RUSC1: variants seen among roughly 807,000 people sequenced by gnomAD.
The protein encoded by RUSC1 is RUN and SH3 domain containing 1, also known as AP-4 complex accessory subunit RUSC1.
RUSC1 carries 40 observed loss-of-function variants against 72.1 expected under a neutral mutation model. The observed-to-expected ratio is 0.55, with a 90% confidence interval of 0.43 to 0.72. The LOEUF (loss-of-function observed/expected upper bound fraction) is 0.72. Ranked by LOEUF, RUSC1 falls within the 30% of genes least tolerant of loss-of-function variation. The pLI is 0.00. For missense variants in RUSC1, 1,092 were observed against 1,172.3 expected (o/e 0.93, Z 1.00); for synonymous variants, 512 against 494.2 (o/e 1.04, Z -0.48).
Position 155,322,403 on chromosome 1 carries a change from T to C in RUSC1, c.630T>C (p.Ser210=), listed in dbSNP as rs1349398368. 6.2e-7 allele frequency: 1 copy of C among 1,614,104 alleles called. No individual in the cohort carries two copies. Among genetic ancestry groups the C allele is most frequent in the Non-Finnish European group, 8.5e-7 (1 of 1,179,982 alleles). The change falls in exon 2 of 10, where the codon TCT becomes TCC. Residue 210 remains serine (S), a synonymous_variant. Transcript: ENST00000368352. ...DERAEQDLPT[S]ELLEADDGKI... ...GGGCGGAGCAGGATCTCCCTACCTC[T>C]GAGCTCTTAGAGGCGGATGATGGGA... is the stretch of plus-strand genomic sequence containing the variant.
Position 155,322,399 on chromosome 1 carries a change from C to A in RUSC1, c.626C>A (p.Thr209Asn), listed in dbSNP as rs780415298. The A allele has an allele frequency of 8.1e-6, 13 of 1,614,064 alleles. No individual in the cohort carries two copies. The highest frequency in any genetic ancestry group is 6.6e-5 in the South Asian group (6 of 91,096). Residue 209 changes from threonine (T) to asparagine (N), a missense_variant, in exon 2 of 10, where the codon ACC becomes AAC. Thr to Asn is a moderately conservative substitution (Grantham distance 65). Transcript: ENST00000368352. Reference sequence around the variant, plus strand: ...GAGAGGGCGGAGCAGGATCTCCCTACCTCTGAGCTCTTAGAGGCGGATGAT... The same window carrying A: ...GAGAGGGCGGAGCAGGATCTCCCTAACTCTGAGCTCTTAGAGGCGGATGAT... ...EDERAEQDLP[T>N]SELLEADDGK...
chr1:155,326,266 C>T lies in RUSC1; in HGVS notation c.1862-314C>T. 1.8e-6 allele frequency: 1 copy of T among 546,246 alleles called. No individual in the cohort carries two copies. The highest frequency in any genetic ancestry group is 3.3e-6 in the Non-Finnish European group (1 of 306,204). The allele number at this position is 546,246 out of a possible 1,614,324, so 33.8% of individuals were successfully genotyped here. ...GAGTCCTTCCCCAGTGAGGCCCTAC[C>T]TCTACCCTCGGACTAGGCCAACCCC... On this transcript the variant is annotated intron_variant, in intron 7 of 9. Transcript: ENST00000368352. The surrounding 1 kb of genome is among the most constrained non-coding windows in gnomAD (Gnocchi z 4.7).
Position 155,322,897 on chromosome 1 carries a change from G to A in RUSC1, c.1124G>A (p.Arg375Gln), listed in dbSNP as rs1439334070. The stretch of plus-strand genomic sequence containing the variant: ...GAAGTCACCACCTTCAAGGAACTCC[G>A]GTCCCGAAGCCGGGCCCCAGCCCCG... ...PREVTTFKELRSRSRAPAPPV... is the reference protein window; with the variant it reads ...PREVTTFKELQSRSRAPAPPV... The change falls in exon 2 of 10, where the codon CGG (arginine) becomes CAG (glutamine). Residue 375 changes from arginine to glutamine, a missense_variant. Physicochemically the swap from Arg to Gln is conservative, Grantham distance 43. Coordinates refer to ENST00000368352, the MANE Select transcript of RUSC1 (RefSeq NM_001105203.2). 3.1e-6 allele frequency: 5 copies of A among 1,606,186 alleles called. No homozygotes were observed. The highest frequency in any genetic ancestry group is 4.2e-6 in the Non-Finnish European group (5 of 1,176,932).
At position 155,325,886 on chromosome 1, in the gene RUSC1, T is replaced by C. The variant is rs1481035668; in HGVS notation, c.1837T>C (p.Phe613Leu). 6.2e-7 allele frequency: 1 copy of C among 1,614,066 alleles called. No individual in the cohort carries two copies. Among genetic ancestry groups the C allele is most frequent in the Non-Finnish European group, 8.5e-7 (1 of 1,180,006 alleles). Reference protein sequence around the residue: ...LLNTKQLELWFSSLQEDAGLL... With the variant: ...LLNTKQLELWLSSLQEDAGLL... Reference sequence around the variant, plus strand: ...TAGCACCAAGCAGTTGGAGCTGTGGTTTTCCAGTCTCCAGGAAGATGCAGG... The same window carrying C: ...TAGCACCAAGCAGTTGGAGCTGTGGCTTTCCAGTCTCCAGGAAGATGCAGG... The change falls in exon 7 of 10, where the codon TTT (phenylalanine) becomes CTT (leucine). Residue 613 changes from phenylalanine (F) to leucine (L), a missense_variant. Coordinates refer to ENST00000368352, the MANE Select transcript of RUSC1 (RefSeq NM_001105203.2). This position sits in a 1 kb window ranked among gnomAD's most constrained non-coding sequence, Gnocchi z 6.5.
chr1:155,321,642 C>T, intron 1 of RUSC1, 46 bp from the exon 2 acceptor site: 2 of 1,329,502 alleles, frequency 1.5e-6, no homozygotes, highest in Non-Finnish European at 2.1e-6. Context: ...TCCTTCCCCG[C>T]AGCTCTTGTC....
intron 9 of RUSC1, 80 bp from the exon 10 acceptor site, chr1:155,330,323 G>A: frequency 1.4e-6 from 2 of 1,411,638 alleles, no homozygotes; most frequent in South Asian, 1.2e-5. Context: ...ACCAACAAGG[G>A]CACTCTAGAG....
In RUSC1 at chr1:155,330,708, T is replaced by C; in HGVS notation, c.*137T>C. 1.2e-6 allele frequency: 1 copy of C among 863,666 alleles called. No homozygotes were observed. The highest frequency in any genetic ancestry group is 1.7e-6 in the Non-Finnish European group (1 of 587,146). 53.5% of individuals were successfully genotyped at this position (863,666 alleles called of 1,614,324 possible). A position where few individuals can be genotyped will look rare whatever the true frequency, so the allele number is the denominator to read the frequency against. On this transcript the variant is annotated 3_prime_UTR_variant, in exon 10 of 10. Coordinates refer to ENST00000368352, the MANE Select transcript of RUSC1 (RefSeq NM_001105203.2). ...CGTCTGTTTCTGCTAATATTTAAAA[T>C]AAACTTTCCTTCTTCCCTCCTATAC...
chr1:155,326,655 A>T lies in RUSC1; in HGVS notation c.1937A>T (p.Glu646Val). The T allele has an allele frequency of 6.2e-7, 1 of 1,613,912 alleles. No homozygotes were observed. The highest frequency in any genetic ancestry group is 8.5e-7 in the Non-Finnish European group (1 of 1,180,004). Residue 646 changes from glutamate (E) to valine (V), a missense_variant, in exon 8 of 10, where the codon GAG (glutamate) becomes GTG (valine). Transcript: ENST00000368352. The surrounding 1 kb of genome is among the most constrained non-coding windows in gnomAD (Gnocchi z 4.7). ...ARGGCPSLST[E>V]LLLLLQPLSV... Reference sequence around the variant, plus strand: ...GGTGGTTGTCCCTCCCTGTCCACAGAGCTGCTGCTCCTGCTGCAGCCATTG... The same window carrying T: ...GGTGGTTGTCCCTCCCTGTCCACAGTGCTGCTGCTCCTGCTGCAGCCATTG...
chr1:155,326,183 T>TA lies in RUSC1; in HGVS notation c.1861+274dup, dbSNP rs2148279862. 3 of 573,690 alleles carry TA rather than the reference T, an allele frequency of 5.2e-6. No individual in the cohort carries two copies. The East Asian group carries it at 8.8e-5, about 17-fold the overall frequency. 35.5% of individuals were successfully genotyped at this position (573,690 alleles called of 1,614,324 possible). A position where few individuals can be genotyped will look rare whatever the true frequency, so the allele number is the denominator to read the frequency against. Reference sequence around the variant, plus strand: ...GCCCTTCCTGCTCCAGGGCCCTGCTTATGCTGTTCCTCTACCTTCTGCCCC... The same window carrying TA: ...GCCCTTCCTGCTCCAGGGCCCTGCTTAATGCTGTTCCTCTACCTTCTGCCCC... On this transcript the variant is annotated intron_variant, in intron 7 of 9. Coordinates refer to ENST00000368352, the MANE Select transcript of RUSC1 (RefSeq NM_001105203.2). The surrounding 1 kb of genome is among the most constrained non-coding windows in gnomAD (Gnocchi z 4.7).
intron 9 of RUSC1, among the ~76,000 whole-genome samples, chr1:155,328,999 T>C (rs1185387357): frequency 2.0e-5 from 3 of 151,908 alleles, no homozygotes; most frequent in Non-Finnish European, 2.9e-5. Context: ...TCCCAAAGTA[T>C]TGGGATTACA....
intron 2 of RUSC1, chr1:155,323,429 T>G: frequency 3.4e-6 from 1 of 292,732 alleles, no homozygotes; most frequent in South Asian, 1.5e-4. Flanking sequence ...CCTCGGCCCC[T>G]GGTTTTCCGG....
At position 155,321,893 on chromosome 1, in the gene RUSC1, C is replaced by T; in HGVS notation, c.120C>T (p.Pro40=). Residue 40 remains proline, a synonymous_variant, in exon 2 of 10, where the codon CCC becomes CCT. Coordinates refer to ENST00000368352, the MANE Select transcript of RUSC1 (RefSeq NM_001105203.2). ...TACAGGAGGGGCCTTTGAGCACACCCCCTCCTCCAGGAGACACTGGGGGCA... is the reference window on the plus strand; with the variant it reads ...TACAGGAGGGGCCTTTGAGCACACCTCCTCCTCCAGGAGACACTGGGGGCA... The part of the protein sequence containing the change: ...PELQEGPLST[P]PPPGDTGGKE... 6.2e-7 allele frequency: 1 copy of T among 1,612,372 alleles called. No individual in the cohort carries two copies. The highest frequency in any genetic ancestry group is 8.5e-7 in the Non-Finnish European group (1 of 1,179,454).
Position 155,325,725 on chromosome 1 carries a change from T to TGAC in RUSC1, c.1814+53_1814+54insGAC, listed in dbSNP as rs1354434831. 1.7e-5 allele frequency: 28 copies of TGAC among 1,601,166 alleles called. No homozygotes were observed. The highest frequency in any genetic ancestry group is 2.4e-5 in the Non-Finnish European group (28 of 1,169,512). On this transcript the variant is annotated intron_variant, in intron 6 of 9. Transcript: ENST00000368352. The surrounding 1 kb of genome is among the most constrained non-coding windows in gnomAD (Gnocchi z 6.5). ...CCCACGACCTGGGACTGCAGGAGCG[T>TGAC]CATGGGTGGGACACAGTAGTAGTGC...
chr1:155,323,297 T>A (rs1005426257), intron 2 of RUSC1, among the ~76,000 whole-genome samples, 167 bp downstream of exon 2: 1 of 152,066 alleles, frequency 6.6e-6, no homozygotes, highest in Non-Finnish European at 1.5e-5. Flanking sequence ...CATTGGGTTA[T>A]GGGACTAACT....
intron 2 of RUSC1, chr1:155,324,183 C>A: frequency 7.2e-7 from 1 of 1,393,108 alleles, no homozygotes; most frequent in Non-Finnish European, 9.3e-7. Flanking sequence ...GGCCTGCCCC[C>A]CGACCTTGCT....
rs1255879787 is a variant in RUSC1 at position 155,324,830 on chromosome 1, C to T, written c.1358-15C>T. On this transcript the variant is annotated splice_polypyrimidine_tract_variant and intron_variant, in intron 2 of 9. Transcript: ENST00000368352. ...ACTTGGTAAGTGTTACCGCGCCCTT[C>T]TTCCCTTACGCCAGTCCGTAGTTCG... 2 of 1,614,258 alleles carry T rather than the reference C, an allele frequency of 1.2e-6. No homozygotes were observed. The highest frequency in any genetic ancestry group is 2.2e-5 in the East Asian group (1 of 44,894).
In RUSC1 at chr1:155,321,023, G is replaced by A. The variant is rs774639847; in HGVS notation, c.-87+32G>A. The A allele has an allele frequency of 1.1e-5, 17 of 1,489,298 alleles. No homozygotes were observed. In the South Asian group the frequency reaches 1.5e-4, roughly 13 times the overall value. The allele number at this position is 1,489,298 out of a possible 1,614,324, so 92.3% of individuals were successfully genotyped here. The stretch of plus-strand genomic sequence containing the variant: ...AGGGCTCGGCCCATGGGTGTAGACC[G>A]ATGGACCTGGGCACGAGGGGCGGGG... On this transcript the variant is annotated intron_variant, in intron 1 of 9. Coordinates refer to ENST00000368352, the MANE Select transcript of RUSC1 (RefSeq NM_001105203.2).
In RUSC1 at chr1:155,322,566, A is replaced by T. The variant is rs1650692869; in HGVS notation, c.793A>T (p.Ser265Cys). ...GAAAAACAACGGGAATGTTAACTCT[A>T]GCTGGAAAAGTGAACCTGAAAAATT... ...GWKNNGNVNSSWKSEPEKFDS... is the reference protein window; with the variant it reads ...GWKNNGNVNSCWKSEPEKFDS... Residue 265 changes from serine (S) to cysteine (C), a missense_variant, in exon 2 of 10, where the codon AGC becomes TGC. Ser to Cys is a moderately radical substitution (Grantham distance 112). Coordinates refer to ENST00000368352, the MANE Select transcript of RUSC1 (RefSeq NM_001105203.2). 1 of 1,614,142 alleles carries T rather than the reference A, an allele frequency of 6.2e-7. No homozygotes were observed. Among genetic ancestry groups the T allele is most frequent in the Non-Finnish European group, 8.5e-7 (1 of 1,180,048 alleles).
At chr1:155,329,435 C>T (rs1383898990) in intron 9 of RUSC1, among the ~76,000 whole-genome samples, 1 of 147,734 alleles carries the variant, frequency 6.8e-6, no homozygotes, top group Admixed American at 6.8e-5. Flanking sequence ...CTCTGTCGCC[C>T]AGGCTGGAGT....
Sources: allele counts gnomAD v4.1 joint callset (sites outside exome capture counted in the v4.1 genomes callset), GRCh38; gene constraint gnomAD v4.1.1; non-coding constraint Gnocchi (gnomAD v3.1); transcripts MANE v1.5; gene names NCBI Gene and HGNC (gene_info 2026-07-23, HGNC 2026-07-21).